Variants in NCOA2 observed in about 807,000 individuals in gnomAD.
NCOA2 encodes class E basic helix-loop-helix protein 75.
NCOA2 carries 21 observed loss-of-function variants against 145.1 expected under a neutral mutation model. The observed-to-expected ratio is 0.14, with a 90% CI of 0.10 to 0.21. NCOA2 has a LOEUF of 0.21. Among genes scored for constraint, NCOA2 ranks in the 10% least tolerant of loss-of-function variants. The pLI is 1.00. For synonymous variants in NCOA2, 619 were observed against 637.5 expected (o/e 0.97, Z 0.44); for missense variants, 1,472 against 1,837.6 (o/e 0.80, Z 3.64).
rs775733406 is a variant in NCOA2 at position 70,156,581 on chromosome 8, C to CCTT, written c.1781_1783dup (p.Glu594dup). ...GCTGCTCTCTGCTTGTCCAGTTGTA[C>CCTT]CTTCAGAGGGCTCCCCATATAGTCC... On this transcript the variant is annotated inframe_insertion, in exon 11 of 23. Transcript: ENST00000452400. 2.2e-5 allele frequency: 36 copies of CCTT among 1,613,884 alleles called. No individual in the cohort carries two copies. Among genetic ancestry groups the CCTT allele is most frequent in the Non-Finnish European group, 1.2e-5 (14 of 1,179,876 alleles).
upstream of NCOA2, among the ~76,000 whole-genome samples, chr8:70,408,335 AT>A (rs1350367284): frequency 2.6e-5 from 4 of 152,246 alleles, no homozygotes; most frequent in African/African-American, 9.6e-5. Context: ...TACAAGGTCA[AT>A]TGTATTTCTT....
chr8:70,219,481 C>G (rs769040630), intron 2 of NCOA2, among the ~76,000 whole-genome samples: 9 of 152,176 alleles, frequency 5.9e-5, no homozygotes, highest in Admixed American at 1.3e-4. Context: ...TTTCCACCAC[C>G]AAGGGGAAAG....
intron 2 of NCOA2, among the ~76,000 whole-genome samples, chr8:70,244,344 G>C (rs1348678521): frequency 6.6e-6 from 1 of 152,024 alleles, no homozygotes; most frequent in African/African-American, 2.4e-5. Context: ...ATTTTCCAAG[G>C]TTAAGAGACA....
chr8:70,284,219 T>C (rs1162484104), intron 2 of NCOA2, among the ~76,000 whole-genome samples: 1 of 152,200 alleles, frequency 6.6e-6, no homozygotes, highest in Non-Finnish European at 1.5e-5. Context: ...TCAGAATCTC[T>C]GGACGGTGCT....
At chr8:70,245,461 TAGACTG>T in intron 2 of NCOA2, 1 of 152,206 alleles carries the variant, frequency 6.6e-6, no homozygotes, top group South Asian at 2.1e-4. Flanking sequence ...TTTATGATAA[TAGACTG>T]AGTAAGCCTC....
chr8:70,291,540 T>C (rs908485173), intron 2 of NCOA2, among the ~76,000 whole-genome samples: 1 of 152,232 alleles, frequency 6.6e-6, no homozygotes, highest in African/African-American at 2.4e-5. Flanking sequence ...TGTCTAATTC[T>C]AAATACATGA....
At chr8:70,223,951 ACTTTT>A (rs1433600530) in intron 2 of NCOA2, among the ~76,000 whole-genome samples, 2 of 152,232 alleles carry the variant, frequency 1.3e-5, no homozygotes, top group Non-Finnish European at 2.9e-5. Flanking sequence ...ATTTGAAAGC[ACTTTT>A]CTTTTTCTTA....
the NCOA2 span, among the ~76,000 whole-genome samples, chr8:70,438,698 A>T: frequency 6.6e-6 from 1 of 152,266 alleles, no homozygotes; most frequent in African/African-American, 2.4e-5. Context: ...TTTAAAAAAT[A>T]CATGCATTTT....
At chr8:70,419,714 C>A in the NCOA2 span, among the ~76,000 whole-genome samples, 2 of 152,108 alleles carry the variant, frequency 1.3e-5, no homozygotes, top group Non-Finnish European at 2.9e-5. Flanking sequence ...TGTCATCTAC[C>A]AAACTGAGTT....
intron 4 of NCOA2, among the ~76,000 whole-genome samples, chr8:70,197,836 G>GTT (rs34200791): frequency 3.7e-4 from 55 of 147,360 alleles, no homozygotes; most frequent in African/African-American, 8.0e-4. Context: ...TTCTCTAAAA[G>GTT]TTTTTTTTTT....
chr8:70,435,216 G>A, the NCOA2 span, among the ~76,000 whole-genome samples: 2 of 151,228 alleles, frequency 1.3e-5, no homozygotes, highest in African/African-American at 2.4e-5. Flanking sequence ...ACGAGGTCAG[G>A]AGATCGAGAC....
chr8:70,128,523 A>G lies in NCOA2; in HGVS notation c.3604-13T>C. The G allele has an allele frequency of 6.2e-7, 1 of 1,609,082 alleles. No individual in the cohort carries two copies. The highest frequency in any genetic ancestry group is 1.1e-5 in the South Asian group (1 of 90,392). Reference sequence around the variant, plus strand: ...GTGGCTGGCGATTCTAAATACATACAAACAGGATGAATACATTTTAAGAAC... The same window carrying G: ...GTGGCTGGCGATTCTAAATACATACGAACAGGATGAATACATTTTAAGAAC... On this transcript the variant is annotated splice_polypyrimidine_tract_variant and intron_variant, in intron 17 of 22. Transcript: ENST00000452400.
intron 2 of NCOA2, among the ~76,000 whole-genome samples, chr8:70,275,588 AAAAC>A (rs1825405371): frequency 1.3e-5 from 2 of 152,282 alleles, no homozygotes; most frequent in Admixed American, 1.3e-4. Flanking sequence ...TCTAATTAAA[AAAAC>A]AAACAGCTAA....
intron 22 of NCOA2, among the ~76,000 whole-genome samples, chr8:70,116,679 C>G (rs1563470840): frequency 1.3e-5 from 2 of 152,210 alleles, no homozygotes; most frequent in Non-Finnish European, 2.9e-5. Context: ...CAAGTAACTT[C>G]CGGTTATTTC....
chr8:70,249,977 A>AAAAAAAAG (rs751876043), intron 2 of NCOA2, among the ~76,000 whole-genome samples: 9,103 of 136,304 alleles, frequency 0.067, 521 homozygotes, highest in Non-Finnish European at 0.11. Flanking sequence ...AAAAAAAAAA[A>AAAAAAAAG]AAGAAGAAGA....
intron 4 of NCOA2, among the ~76,000 whole-genome samples, chr8:70,209,838 T>C (rs980930711): frequency 6.6e-6 from 1 of 152,260 alleles, no homozygotes; most frequent in African/African-American, 2.4e-5. Context: ...CTTTATTTTA[T>C]ATTCGCTTTA....
intron 13 of NCOA2, among the ~76,000 whole-genome samples, chr8:70,142,554 C>A (rs1810561770): frequency 6.6e-6 from 1 of 152,026 alleles, no homozygotes; most frequent in South Asian, 2.1e-4. Flanking sequence ...CAAAAATTAG[C>A]CGGGCATGGT....
At chr8:70,296,093 C>T (rs1013884518) in intron 2 of NCOA2, among the ~76,000 whole-genome samples, 2 of 152,186 alleles carry the variant, frequency 1.3e-5, no homozygotes, top group African/African-American at 4.8e-5. Context: ...TACCAGGCAC[C>T]ATCCTAAGTG....
At chr8:70,235,583 C>G (rs548962618) in intron 2 of NCOA2, among the ~76,000 whole-genome samples, 3 of 152,172 alleles carry the variant, frequency 2.0e-5, no homozygotes, top group African/African-American at 7.2e-5. Flanking sequence ...GTGGCTCACA[C>G]TTGTGATCCC....
Sources: gnomAD v4.1 joint callset for allele counts (sites outside exome capture counted in the v4.1 genomes callset) on GRCh38, gnomAD v4.1.1 for gene constraint, MANE v1.5 for transcripts, NCBI Gene and HGNC (gene_info 2026-07-23, HGNC 2026-07-21) for gene names.